The following SPIDR variants were observed in gnomAD, a reference collection of about 807,000 sequenced individuals.
SPIDR encodes the protein scaffold protein involved in DNA repair.
Under a neutral mutation model 104.6 loss-of-function variants are expected in SPIDR, and 93 were observed. The ratio of observed to expected loss-of-function variants is 0.89; its 90% CI spans 0.75 to 1.06. SPIDR has a LOEUF of 1.06. Among genes scored for constraint, SPIDR ranks in the 50% least tolerant of loss-of-function variants. SPIDR has a pLI of 0.00. For synonymous variants in SPIDR, 431 were observed against 416.9 expected (o/e 1.03, Z -0.41); for missense variants, 1,154 against 1,111.2 (o/e 1.04, Z -0.55).
intron 10 of SPIDR, among the ~76,000 whole-genome samples, chr8:47,641,634 A>G (rs1174407457): frequency 6.6e-6 from 1 of 152,224 alleles, no homozygotes; most frequent in Admixed American, 6.5e-5. Flanking sequence ...TAACACAAGC[A>G]TGAAGGAATG....
intron 8 of SPIDR, among the ~76,000 whole-genome samples, chr8:47,514,291 A>G (rs921755892): frequency 1.3e-5 from 2 of 152,190 alleles, no homozygotes; most frequent in African/African-American, 4.8e-5. Flanking sequence ...GATTTCTAAA[A>G]CAAAAACTCA....
chr8:47,649,975 G>A (rs1049301369), intron 10 of SPIDR, among the ~76,000 whole-genome samples: 6 of 152,062 alleles, frequency 3.9e-5, no homozygotes, highest in African/African-American at 7.2e-5. Flanking sequence ...AATAAAAACC[G>A]TATATGACGA....
chr8:47,532,791 C>T (rs771911720), intron 8 of SPIDR, among the ~76,000 whole-genome samples: 1 of 152,224 alleles, frequency 6.6e-6, no homozygotes, highest in Non-Finnish European at 1.5e-5. Context: ...ATCTAATTTA[C>T]ATTTATAGAA....
At chr8:47,541,909 C>G (rs1024058119) in intron 8 of SPIDR, among the ~76,000 whole-genome samples, 1 of 152,026 alleles carries the variant, frequency 6.6e-6, no homozygotes. Context: ...CCAGCTTGGG[C>G]GACAGAATGA....
intron 5 of SPIDR, among the ~76,000 whole-genome samples, chr8:47,327,057 C>A (rs1473728283): frequency 5.3e-5 from 8 of 152,134 alleles, no homozygotes; most frequent in Non-Finnish European, 7.4e-5. Flanking sequence ...TTCCTGTTAG[C>A]AACGCACAAA....
At chr8:47,712,923 A>AT (rs766993244) in intron 15 of SPIDR, 51 bp downstream of exon 15, 2 of 1,607,492 alleles carry the variant, frequency 1.2e-6, no homozygotes, top group South Asian at 2.2e-5. Context: ...ATCCGTGCCC[A>AT]TAGAATACCT....
intron 8 of SPIDR, among the ~76,000 whole-genome samples, chr8:47,505,399 A>G (rs1271987122): frequency 1.6e-4 from 24 of 152,276 alleles, no homozygotes; most frequent in Admixed American, 1.4e-3. Flanking sequence ...TGTGCTAGCA[A>G]TGAGCAGGGC....
Position 47,701,966 on chromosome 8 carries a change from T to G in SPIDR, c.1928T>G (p.Leu643Arg). 6.2e-7 allele frequency: 1 copy of G among 1,614,124 alleles called. No homozygotes were observed. The highest frequency in any genetic ancestry group is 8.5e-7 in the Non-Finnish European group (1 of 1,180,034). ...CLRDILQMND[L>R]GTRCSFYATV... Reference sequence around the variant, plus strand: ...CTAATTCCTTTCCAGATGAATGATCTTGGTACCCGTTGCAGTTTCTATGCC... The same window carrying G: ...CTAATTCCTTTCCAGATGAATGATCGTGGTACCCGTTGCAGTTTCTATGCC... Residue 643 changes from leucine (L) to arginine (R), a missense_variant, in exon 14 of 20, where the codon CTT becomes CGT. By Grantham distance (102) the Leu-to-Arg change is moderately radical. Coordinates refer to ENST00000297423, the MANE Select transcript of SPIDR (RefSeq NM_001080394.4).
chr8:47,537,673 C>T (rs778084739), intron 8 of SPIDR, among the ~76,000 whole-genome samples: 1 of 152,044 alleles, frequency 6.6e-6, no homozygotes, highest in East Asian at 1.9e-4. Flanking sequence ...CTGTACAACA[C>T]GAAGAGTGAA....
intron 1 of SPIDR, among the ~76,000 whole-genome samples, chr8:47,262,912 C>G (rs1436409655): frequency 6.6e-6 from 1 of 152,188 alleles, no homozygotes; most frequent in Non-Finnish European, 1.5e-5. Flanking sequence ...GGTGACTTTC[C>G]CTTAGGCACT....
chr8:47,545,102 T>C (rs1220908398), intron 8 of SPIDR, among the ~76,000 whole-genome samples: 6 of 139,722 alleles, frequency 4.3e-5, no homozygotes. Context: ...TTTCTTTCTT[T>C]CTTTCTTTCT....
At chr8:47,399,739 A>G (rs1476831914) in intron 6 of SPIDR, among the ~76,000 whole-genome samples, 2 of 152,224 alleles carry the variant, frequency 1.3e-5, no homozygotes, top group Admixed American at 6.5e-5. Context: ...GAGAGTAGCA[A>G]TAATAATGAC....
intron 3 of SPIDR, 88 bp from the exon 4 acceptor site, chr8:47,290,945 C>T: frequency 1.0e-6 from 1 of 995,104 alleles, no homozygotes; most frequent in Admixed American, 2.4e-5. Context: ...GTATTTGTGA[C>T]TTTGGCAAAA....
chr8:47,426,940 T>C (rs549332128), intron 7 of SPIDR, among the ~76,000 whole-genome samples: 1 of 152,176 alleles, frequency 6.6e-6, no homozygotes, highest in African/African-American at 2.4e-5. Flanking sequence ...TCTGTAACTT[T>C]CCATTTATTG....
intron 7 of SPIDR, among the ~76,000 whole-genome samples, chr8:47,438,923 G>A (rs782671467): frequency 3.1e-4 from 47 of 152,180 alleles, no homozygotes; most frequent in Middle Eastern, 3.4e-3. Flanking sequence ...TCTTAGCACC[G>A]TCTAAATATT....
At chr8:47,545,718 G>A (rs2154394767) in intron 8 of SPIDR, among the ~76,000 whole-genome samples, 1 of 152,126 alleles carries the variant, frequency 6.6e-6, no homozygotes, top group East Asian at 1.9e-4. Context: ...CCTAATCTTA[G>A]AGGAAAGTTT....
chr8:47,291,414 G>T lies in SPIDR; in HGVS notation c.361+277G>T, dbSNP rs1554569131. On this transcript the variant is annotated intron_variant, in intron 4 of 19. Transcript: ENST00000297423. ...GTACATTGCAGGTGTACAGTAAAAT[G>T]GTATAGCCACTCTGGAAAACAGTCT... Among the ~76,000 whole-genome samples, 261 of 152,242 alleles carry T rather than the reference G, an allele frequency of 1.7e-3. 2 individuals carry two copies. The highest frequency in any genetic ancestry group is 2.4e-3 in the Non-Finnish European group (160 of 68,002).
At chr8:47,473,284 TGAA>T (rs1242182531) in intron 8 of SPIDR, among the ~76,000 whole-genome samples, 7 of 152,234 alleles carry the variant, frequency 4.6e-5, no homozygotes, top group African/African-American at 1.7e-4. Context: ...CCAGCTAGAA[TGAA>T]GAAGGTTTTC....
chr8:47,390,204 C>T lies in SPIDR; in HGVS notation c.526-6172C>T, dbSNP rs531186858. Among the ~76,000 whole-genome samples, 59 of 152,202 alleles carry T rather than the reference C, an allele frequency of 3.9e-4. 2 individuals are homozygous for T. In the South Asian group the frequency reaches 0.012, roughly 32 times the overall value. The stretch of plus-strand genomic sequence containing the variant: ...TGTCAGCACAGGGTCTCTACAGAGC[C>T]ATCTCCCAGTTGCCAGTGTAGTTGA... On this transcript the variant is annotated intron_variant, in intron 5 of 19. Transcript: ENST00000297423.
Sources: allele counts gnomAD v4.1 joint callset (sites outside exome capture counted in the v4.1 genomes callset), GRCh38; gene constraint gnomAD v4.1.1; transcripts MANE v1.5; gene names NCBI Gene and HGNC (gene_info 2026-07-23, HGNC 2026-07-21).